Variants in TMPRSS15 observed in about 807,000 individuals in gnomAD.
TMPRSS15 encodes the protein transmembrane serine protease 15.
Under a neutral mutation model 125.3 loss-of-function variants are expected in TMPRSS15, and 128 were observed. That is an observed-to-expected ratio of 1.02 (90% confidence interval 0.89 to 1.18). The LOEUF (loss-of-function observed/expected upper bound fraction) is 1.18, where lower values mean the gene tolerates loss of function less well. TMPRSS15 is among the 50% of genes most tolerant of loss of function. The pLI is 0.00. For synonymous variants in TMPRSS15, 446 were observed against 423.2 expected (o/e 1.05, Z -0.66); for missense variants, 1,283 against 1,212.7 (o/e 1.06, Z -0.86).
rs2076184348 is a variant in TMPRSS15, at chr21:18,418,136, TTC to T, written c.11-19809_11-19808del. 2.6e-5 allele frequency among the ~76,000 whole-genome samples: 4 copies of T among 152,340 alleles called. 1 individual carries two copies. In the South Asian group the frequency reaches 8.3e-4, roughly 32 times the overall value. On this transcript the variant is annotated intron_variant, in intron 1 of 7. Transcript: ENST00000422787. ...CCAATTAAAACAAAAGAAATGAAAC[TTC>T]TCTGTCTCTTCCAAACAGGCTCTCT...
At chr21:18,416,602 A>C (rs1166956284) in intron 1 of TMPRSS15, among the ~76,000 whole-genome samples, 1 of 152,068 alleles carries the variant, frequency 6.6e-6, no homozygotes, top group Non-Finnish European at 1.5e-5. Flanking sequence ...TGGGGATGAT[A>C]CTGGTTAATT....
In TMPRSS15 at chr21:18,420,703, A is replaced by G. The variant is rs62215019; in HGVS notation, c.11-22374T>C. Among the ~76,000 whole-genome samples the G allele has an allele frequency of 1.5e-3, 221 of 152,320 alleles. 3 individuals carry two copies. The highest frequency in any genetic ancestry group is 1.7e-3 in the Non-Finnish European group (119 of 68,018). On this transcript the variant is annotated intron_variant, in intron 1 of 7. Transcript: ENST00000422787. Reference sequence around the variant, plus strand: ...CCGTTAAGAGAGTTTTTCAAATAGCATGGCCAGGCTTTGGCACTGAGGATG... The same window carrying G: ...CCGTTAAGAGAGTTTTTCAAATAGCGTGGCCAGGCTTTGGCACTGAGGATG...
At chr21:18,428,516 C>T (rs142965334) in intron 1 of TMPRSS15, among the ~76,000 whole-genome samples, 9 of 152,218 alleles carry the variant, frequency 5.9e-5, no homozygotes, top group South Asian at 2.1e-4. Context: ...TTTTGTGGGC[C>T]GGTCCCAGGG....
At chr21:18,406,058 G>T (rs769654365), upstream of TMPRSS15, among the ~76,000 whole-genome samples, 2 of 152,072 alleles carry the variant, frequency 1.3e-5, no homozygotes, top group South Asian at 4.2e-4. Flanking sequence ...TTGGTATGAG[G>T]TACTTACATT....
At chr21:18,470,997 A>G (rs1460206387) in intron 1 of TMPRSS15, among the ~76,000 whole-genome samples, 3 of 152,004 alleles carry the variant, frequency 2.0e-5, no homozygotes, top group Non-Finnish European at 2.9e-5. Context: ...ATTTTTTTCA[A>G]TACTTCTTAC....
At chr21:18,483,524 C>G (rs928851643) in intron 1 of TMPRSS15, among the ~76,000 whole-genome samples, 1 of 151,754 alleles carries the variant, frequency 6.6e-6, no homozygotes, top group Non-Finnish European at 1.5e-5. Context: ...CATAGCGTAA[C>G]ATTTTTATTG....
upstream of TMPRSS15, among the ~76,000 whole-genome samples, chr21:18,407,448 C>CTTTTTTTTTTTTTTTTTTTTTTTTTT: frequency 7.5e-6 from 1 of 133,198 alleles, no homozygotes; most frequent in Non-Finnish European, 1.6e-5. Flanking sequence ...TTTTTCTTTT[C>CTTTTTTTTTTTTTTTTTTTTTTTTTT]TTTTTTTTTT....
chr21:18,369,795 A>T (rs947076991), intron 6 of TMPRSS15, among the ~76,000 whole-genome samples: 2 of 152,094 alleles, frequency 1.3e-5, no homozygotes, highest in Non-Finnish European at 2.9e-5. Context: ...CTGGTGCTGA[A>T]AGTCATTAGG....
intron 1 of TMPRSS15, among the ~76,000 whole-genome samples, chr21:18,439,257 C>T (rs937866842): frequency 6.6e-6 from 1 of 151,932 alleles, no homozygotes; most frequent in Non-Finnish European, 1.5e-5. Flanking sequence ...TTGCTAATAC[C>T]TCATGTTGAA....
chr21:18,343,703 A>G (rs776384368), intron 11 of TMPRSS15, 47 bp from the exon 12 acceptor site: 1 of 1,573,154 alleles, frequency 6.4e-7, no homozygotes, highest in Non-Finnish European at 8.7e-7. Context: ...CAACATTAGA[A>G]TAAGTCCTTT....
intron 1 of TMPRSS15, among the ~76,000 whole-genome samples, chr21:18,451,381 GC>G (rs563601086): frequency 7.2e-4 from 109 of 151,756 alleles, no homozygotes; most frequent in African/African-American, 2.5e-3. Context: ...AGATTTGTCT[GC>G]CCTTTTTTTT....
intron 1 of TMPRSS15, among the ~76,000 whole-genome samples, chr21:18,411,367 A>G (rs1267006280): frequency 6.6e-6 from 1 of 151,662 alleles, no homozygotes; most frequent in East Asian, 1.9e-4. Flanking sequence ...TCAGTTTTCT[A>G]CTTTAGAGAA....
intron 1 of TMPRSS15, among the ~76,000 whole-genome samples, chr21:18,423,497 C>T (rs1186770683): frequency 1.3e-5 from 2 of 151,592 alleles, no homozygotes; most frequent in Non-Finnish European, 2.9e-5. Context: ...CAAGCTCCGC[C>T]TCCCGGGTTC....
chr21:18,483,081 C>A (rs1979014330), intron 1 of TMPRSS15, among the ~76,000 whole-genome samples: 1 of 151,780 alleles, frequency 6.6e-6, no homozygotes, highest in South Asian at 2.1e-4. Flanking sequence ...GTGATTTAAT[C>A]ATAGAAATTC....
intron 18 of TMPRSS15, among the ~76,000 whole-genome samples, chr21:18,305,745 C>G (rs189613785): frequency 6.8e-4 from 103 of 152,134 alleles, no homozygotes; most frequent in Non-Finnish European, 1.2e-3. Context: ...CTTCCCCCAC[C>G]CTGCTAGATA....
intron 1 of TMPRSS15, among the ~76,000 whole-genome samples, chr21:18,409,965 A>G (rs185543809): frequency 7.1e-6 from 1 of 141,212 alleles, no homozygotes; most frequent in East Asian, 2.1e-4. Flanking sequence ...CTTCTTAGGT[A>G]TATTCACATG....
Position 18,369,142 on chromosome 21 carries a change from A to G in TMPRSS15, c.664+3051T>C, listed in dbSNP as rs1011913975. 7.9e-5 allele frequency among the ~76,000 whole-genome samples: 12 copies of G among 152,174 alleles called. No homozygotes were observed. In the South Asian group the frequency reaches 8.3e-4, roughly 11 times the overall value. On this transcript the variant is annotated intron_variant, in intron 6 of 24. Coordinates refer to ENST00000284885, the MANE Select transcript of TMPRSS15 (RefSeq NM_002772.3). Reference sequence around the variant, plus strand: ...ATGAGCCTGTCAAATTATAGCAGCCATTCGATTGCACTATCAGAAATGTTG... The same window carrying G: ...ATGAGCCTGTCAAATTATAGCAGCCGTTCGATTGCACTATCAGAAATGTTG...
chr21:18,286,544 T>G (rs2074767449), intron 21 of TMPRSS15, among the ~76,000 whole-genome samples: 1 of 152,168 alleles, frequency 6.6e-6, no homozygotes, highest in Admixed American at 6.5e-5. Context: ...CAACACTCAC[T>G]CCATTCTCTT....
At chr21:18,319,718 C>T (rs780785832) in intron 16 of TMPRSS15, among the ~76,000 whole-genome samples, 58 of 152,272 alleles carry the variant, frequency 3.8e-4, no homozygotes, top group Non-Finnish European at 5.7e-4. Context: ...CGTGAGCCAC[C>T]GCGCCCGGCC....
Sources: allele counts gnomAD v4.1 joint callset (sites outside exome capture counted in the v4.1 genomes callset), GRCh38; gene constraint gnomAD v4.1.1; transcripts MANE v1.5; gene names NCBI Gene and HGNC (gene_info 2026-07-23, HGNC 2026-07-21).